Variants in LRRK2 observed in about 807,000 individuals in gnomAD.
LRRK2 encodes the protein leucine-rich repeat serine/threonine-protein kinase 2.
LRRK2 carries 203 observed loss-of-function variants against 302.6 expected under a neutral mutation model. The observed-to-expected ratio is 0.67, with a 90% CI of 0.60 to 0.75. LRRK2 has a LOEUF of 0.75. Among genes scored for constraint, LRRK2 ranks in the 30% least tolerant of loss-of-function variants. The probability of loss-of-function intolerance (pLI) is 0.00; values close to 1 mark genes in which losing one functional copy is unlikely to be tolerated. For synonymous variants in LRRK2, 1,066 were observed against 1,031.9 expected (o/e 1.03, Z -0.63); for missense variants, 2,830 against 2,951.0 (o/e 0.96, Z 0.95).
chr12:40,328,295 T>A (rs1223292261), intron 38 of LRRK2, 65 bp from the exon 39 acceptor site: 9 of 1,198,996 alleles, frequency 7.5e-6, no homozygotes, highest in African/African-American at 1.5e-5. Flanking sequence ...ACAACAGATA[T>A]AATTTATTTA....
intron 39 of LRRK2, among the ~76,000 whole-genome samples, chr12:40,329,067 AG>A (rs17520244): frequency 0.15 from 22,895 of 152,190 alleles, 1,910 homozygotes; most frequent in African/African-American, 0.21. Context: ...ATTTGATTGA[AG>A]GTTAGAAATC....
intron 49 of LRRK2, chr12:40,366,062 A>AT (rs533327598): frequency 6.6e-6 from 1 of 151,844 alleles, no homozygotes; most frequent in Non-Finnish European, 1.5e-5. Flanking sequence ...TTATAGTTTG[A>AT]TTTTAAAATA....
At chr12:40,348,565 A>G in intron 43 of LRRK2, 56 bp downstream of exon 43, 3 of 1,042,070 alleles carry the variant, frequency 2.9e-6, no homozygotes, top group Non-Finnish European at 4.4e-6. Flanking sequence ...ATATATGCAT[A>G]TATATATAAT....
rs111884340 is a variant in LRRK2, at chr12:40,321,249, T to C, written c.5170+61T>C. 6.0e-6 allele frequency: 9 copies of C among 1,488,230 alleles called. No individual in the cohort carries two copies. In the African/African-American group the frequency reaches 8.4e-5, roughly 14 times the overall value. The allele number at this position is 1,488,230 out of a possible 1,614,324, so 92.2% of individuals were successfully genotyped here. On this transcript the variant is annotated intron_variant, in intron 35 of 50. Coordinates refer to ENST00000298910, the MANE Select transcript of LRRK2 (RefSeq NM_198578.4). ...GACTATTAATTTAGACTTATTAATTTTTAGAGAAATTAGGGAGATGGCATA... is the reference window on the plus strand; with the variant it reads ...GACTATTAATTTAGACTTATTAATTCTTAGAGAAATTAGGGAGATGGCATA...
At chr12:40,281,329 T>C (rs929446984) in intron 18 of LRRK2, among the ~76,000 whole-genome samples, 1 of 152,214 alleles carries the variant, frequency 6.6e-6, no homozygotes, top group Non-Finnish European at 1.5e-5. Context: ...GTGTGAAATC[T>C]GCCTCCACAG....
At chr12:40,256,844 A>G (rs1009871088) in intron 11 of LRRK2, among the ~76,000 whole-genome samples, 1 of 152,220 alleles carries the variant, frequency 6.6e-6, no homozygotes, top group Non-Finnish European at 1.5e-5. Flanking sequence ...TTAGCTTTAT[A>G]TAAGTGCAGT....
Position 40,320,131 on chromosome 12 carries a change from G to T in LRRK2, c.4971G>T (p.Gln1657His). The change falls in exon 34 of 51, where the codon CAG becomes CAT. Residue 1657 changes from glutamine (Q) to histidine (H), a missense_variant. Gln to His is a conservative substitution (Grantham distance 24). Around this residue, in one of 3 missense-constraint regions of LRRK2, gnomAD observed 2,121 missense variants for 2,148.0 expected, o/e 0.99. Coordinates refer to ENST00000298910, the MANE Select transcript of LRRK2 (RefSeq NM_198578.4). ...SQYFKLLEKF[Q>H]IALPIGEEYL... ...ATTTTAAGCTCCTAGAAAAATTCCA[G>T]ATTGCTTTGCCAATAGGAGAAGAAT... 6.2e-7 allele frequency: 1 copy of T among 1,611,764 alleles called. No homozygotes were observed. The highest frequency in any genetic ancestry group is 8.5e-7 in the Non-Finnish European group (1 of 1,178,878).
chr12:40,343,138 A>G (rs887183459), intron 41 of LRRK2, among the ~76,000 whole-genome samples: 3 of 152,358 alleles, frequency 2.0e-5, no homozygotes. Flanking sequence ...CTGGGGACGC[A>G]GAGACAGAAA....
intron 18 of LRRK2, among the ~76,000 whole-genome samples, chr12:40,283,197 A>G (rs1943778812): frequency 6.6e-6 from 1 of 152,182 alleles, no homozygotes. Context: ...GCCAGCATGC[A>G]GTGCCACAGC....
chr12:40,254,462 A>G (rs1456313325), intron 11 of LRRK2, among the ~76,000 whole-genome samples: 1 of 152,176 alleles, frequency 6.6e-6, no homozygotes, highest in African/African-American at 2.4e-5. Flanking sequence ...TCAAAGGGGA[A>G]GGAGAGGGAA....
rs560792682 is a variant in LRRK2 at position 40,271,157 on chromosome 12, C to T, written c.1657-3426C>T. On this transcript the variant is annotated intron_variant, in intron 14 of 50. Transcript: ENST00000298910. ...GTCATATGATGTTGGATCTCTTTTGCCTTAATCTTCTAATTTTTCAAAGAC... is the reference window on the plus strand; with the variant it reads ...GTCATATGATGTTGGATCTCTTTTGTCTTAATCTTCTAATTTTTCAAAGAC... Among the ~76,000 whole-genome samples, 19 of 152,114 alleles carry T rather than the reference C, an allele frequency of 1.2e-4. 1 individual carries two copies. Among genetic ancestry groups the T allele is most frequent in the Non-Finnish European group, 2.1e-4 (14 of 67,998 alleles).
intron 18 of LRRK2, 40 bp from the exon 19 acceptor site, chr12:40,283,835 A>C: frequency 6.5e-7 from 1 of 1,550,040 alleles, no homozygotes; most frequent in East Asian, 2.4e-5. Context: ...AGGAAGAAAA[A>C]TGTAGATTTT....
rs2723263 is a variant in LRRK2 at position 40,250,244 on chromosome 12, A to C, written c.958+299A>C. Among the ~76,000 whole-genome samples, 147,691 of 152,286 alleles carry C rather than the reference A, an allele frequency of 0.97. 71,774 individuals carry two copies. The highest frequency in any genetic ancestry group is 1 in the Middle Eastern group (292 of 292). On this transcript the variant is annotated intron_variant, in intron 8 of 50. Coordinates refer to ENST00000298910, the MANE Select transcript of LRRK2 (RefSeq NM_198578.4). ...TGGTGGCTCACGCCTGTAATCTCAG[A>C]ACTTTGGGAGGCCGAGGCGGGTGGA... is the stretch of plus-strand genomic sequence containing the variant.
In LRRK2 at chr12:40,366,987, A is replaced by G. The variant is rs199721683; in HGVS notation, c.7391-19A>G. The G allele has an allele frequency of 2.5e-6, 4 of 1,594,996 alleles. No homozygotes were observed. Among genetic ancestry groups the G allele is most frequent in the Admixed American group, 1.7e-5 (1 of 59,554 alleles). ...TATATAGTTTTAACAGAAAACTTAC[A>G]TATTTTGTTTTTGTAAAGGAAGCCT... is the stretch of plus-strand genomic sequence containing the variant. On this transcript the variant is annotated intron_variant, in intron 49 of 50. Transcript: ENST00000298910.
chr12:40,243,741 A>G (rs1941848334), intron 7 of LRRK2, 60 bp downstream of exon 7: 2 of 1,441,810 alleles, frequency 1.4e-6, no homozygotes, highest in East Asian at 2.3e-5. Context: ...CATATAAAAC[A>G]TATATATGTT....
chr12:40,308,220 T>C (rs77105242), intron 28 of LRRK2, among the ~76,000 whole-genome samples: 148 of 152,310 alleles, frequency 9.7e-4, no homozygotes, highest in African/African-American at 3.5e-3. Context: ...GCCTTTTGAT[T>C]ATTTCTGGTG....
In LRRK2 at chr12:40,240,627, AT is replaced by A; in HGVS notation, c.706+13del. On this transcript the variant is annotated intron_variant, in intron 6 of 50. Transcript: ENST00000298910. ...TCCCTAGCGATTCCTTGTAAGTAGC[AT>A]TTAAATGTTATTTATTTTTTGTATC... 6.2e-7 allele frequency: 1 copy of A among 1,611,550 alleles called. No individual in the cohort carries two copies. Among genetic ancestry groups the A allele is most frequent in the Non-Finnish European group, 8.5e-7 (1 of 1,178,174 alleles).
chr12:40,272,986 G>A (rs1943294992), intron 14 of LRRK2, among the ~76,000 whole-genome samples: 1 of 151,394 alleles, frequency 6.6e-6, no homozygotes. Context: ...TGAGGACAGC[G>A]CTTAGCCCAA....
At chr12:40,288,819 C>A (rs945462521) in intron 20 of LRRK2, among the ~76,000 whole-genome samples, 4 of 151,762 alleles carry the variant, frequency 2.6e-5, no homozygotes, top group Non-Finnish European at 5.9e-5. Context: ...GAAGTTGTGA[C>A]AGGTATATGT....
Sources: gnomAD v4.1 joint callset for allele counts (sites outside exome capture counted in the v4.1 genomes callset) on GRCh38, gnomAD v4.1.1 for gene constraint, gnomAD v4.1.1 regional missense constraint, MANE v1.5 for transcripts, NCBI Gene and HGNC (gene_info 2026-07-23, HGNC 2026-07-21) for gene names.